RNF130: variants seen among roughly 807,000 people sequenced by gnomAD.
RNF130 encodes ring finger protein 130.
Under a neutral mutation model 44.6 loss-of-function variants are expected in RNF130, and 21 were observed. The observed-to-expected ratio is 0.47, with a 90% CI of 0.33 to 0.68. RNF130 has a LOEUF of 0.68. Among genes scored for constraint, RNF130 ranks in the 30% least tolerant of loss-of-function variants. The pLI is 0.02. For synonymous variants in RNF130, 214 were observed against 210.4 expected (o/e 1.02, Z -0.15); for missense variants, 479 against 560.6 (o/e 0.85, Z 1.47).
intron 2 of RNF130, among the ~76,000 whole-genome samples, chr5:180,025,782 T>C (rs1000838334): frequency 6.6e-6 from 1 of 152,168 alleles, no homozygotes; most frequent in Non-Finnish European, 1.5e-5. Context: ...GGTAGTTAAA[T>C]CCATATTCAA....
intron 6 of RNF130, 75 bp downstream of exon 6, chr5:179,970,335 C>T (rs1762552210): frequency 1.8e-6 from 2 of 1,115,518 alleles, no homozygotes; most frequent in Non-Finnish European, 2.6e-6. Context: ...TCCTATTATG[C>T]CAATTATGTT....
chr5:180,070,659 T>C (rs994145741), intron 1 of RNF130, among the ~76,000 whole-genome samples: 2 of 152,346 alleles, frequency 1.3e-5, no homozygotes, highest in South Asian at 4.1e-4. Context: ...CAAAAAATCA[T>C]ATTCCACGAT....
intron 7 of RNF130, among the ~76,000 whole-genome samples, chr5:179,944,129 G>A (rs541981737): frequency 2.2e-4 from 33 of 151,424 alleles, no homozygotes; most frequent in Middle Eastern, 3.4e-3. Flanking sequence ...CTGCCACCAT[G>A]CCTAGCTTTT....
At chr5:179,928,174 G>A (rs1761733030) in intron 7 of RNF130, among the ~76,000 whole-genome samples, 1 of 152,074 alleles carries the variant, frequency 6.6e-6, no homozygotes, top group African/African-American at 2.4e-5. Context: ...GTTATCTTTT[G>A]TACACATGGA....
chr5:179,936,916 T>C (rs1042850994), intron 7 of RNF130, among the ~76,000 whole-genome samples: 2 of 152,094 alleles, frequency 1.3e-5, no homozygotes, highest in South Asian at 2.1e-4. Flanking sequence ...TGCAAAAAAA[T>C]GGCGTTGGAC....
intron 7 of RNF130, among the ~76,000 whole-genome samples, chr5:179,946,594 C>T (rs1279346242): frequency 6.6e-6 from 1 of 150,964 alleles, no homozygotes; most frequent in Admixed American, 6.6e-5. Context: ...CGCTCTGTCG[C>T]CCAGGCTGGA....
intron 3 of RNF130, among the ~76,000 whole-genome samples, chr5:180,008,667 T>C (rs865779336): frequency 3.9e-5 from 6 of 152,144 alleles, no homozygotes; most frequent in African/African-American, 4.8e-5. Flanking sequence ...CACAGATCGC[T>C]TGAGGTCAGG....
At chr5:179,939,534 C>T (rs1057089773) in intron 7 of RNF130, 5 of 260,442 alleles carry the variant, frequency 1.9e-5, no homozygotes, top group East Asian at 1.3e-4. Context: ...ACCCTTTCTC[C>T]GCCATTCCCA....
At chr5:180,042,919 G>GT (rs1192597192) in intron 1 of RNF130, among the ~76,000 whole-genome samples, 1 of 152,200 alleles carries the variant, frequency 6.6e-6, no homozygotes, top group Non-Finnish European at 1.5e-5. Context: ...TACTAGCTGT[G>GT]TAACTATCAC....
intron 2 of RNF130, among the ~76,000 whole-genome samples, chr5:180,018,727 C>T (rs1763799948): frequency 6.6e-6 from 1 of 152,220 alleles, no homozygotes; most frequent in Non-Finnish European, 1.5e-5. Context: ...CTGCCCACTG[C>T]TCAGAAAATG....
chr5:179,973,663 T>G (rs1762639789), intron 5 of RNF130, among the ~76,000 whole-genome samples: 1 of 152,106 alleles, frequency 6.6e-6, no homozygotes, highest in Non-Finnish European at 1.5e-5. Context: ...CTCTGGGCTC[T>G]CATTATGGAA....
intron 7 of RNF130, among the ~76,000 whole-genome samples, chr5:179,924,452 G>A (rs1032101353): frequency 4.0e-5 from 6 of 150,708 alleles, no homozygotes; most frequent in Non-Finnish European, 8.8e-5. Flanking sequence ...CTGAGATTGT[G>A]CCATTGCACT....
intron 8 of RNF130, 104 bp downstream of exon 8, chr5:179,963,367 T>C (rs1762374956): frequency 1.2e-6 from 1 of 808,056 alleles, no homozygotes; most frequent in South Asian, 1.5e-5. Context: ...AGGATCCGTA[T>C]GAAACTGGTA....
At chr5:180,031,050 T>A (rs1283819461) in intron 2 of RNF130, among the ~76,000 whole-genome samples, 3 of 152,246 alleles carry the variant, frequency 2.0e-5, no homozygotes, top group African/African-American at 7.2e-5. Flanking sequence ...AACTTCCACT[T>A]AATAAACAGT....
At position 179,923,555 on chromosome 5, in the gene RNF130, C is replaced by T. The variant is rs547285694; in HGVS notation, c.1151-3129G>A. On this transcript the variant is annotated intron_variant, in intron 7 of 7. Transcript: ENST00000522208. ...CTTGTACCAAGGAGCTGAGTCTCAGCCAATCCCAGCGGCTGAGTTTCAGCC... is the reference window on the plus strand; with the variant it reads ...CTTGTACCAAGGAGCTGAGTCTCAGTCAATCCCAGCGGCTGAGTTTCAGCC... Among the ~76,000 whole-genome samples the T allele has an allele frequency of 2.2e-4, 33 of 152,312 alleles. 1 individual carries two copies. The highest frequency in any genetic ancestry group is 6.7e-4 in the African/African-American group (28 of 41,574).
chr5:179,975,435 C>T (rs919037032), intron 5 of RNF130, among the ~76,000 whole-genome samples: 6 of 152,184 alleles, frequency 3.9e-5, no homozygotes, highest in Admixed American at 1.3e-4. Flanking sequence ...TGACCTGGTC[C>T]CAAATGTCAA....
intron 1 of RNF130, among the ~76,000 whole-genome samples, chr5:180,064,317 G>A (rs1765049445): frequency 6.6e-6 from 1 of 152,126 alleles, no homozygotes; most frequent in Non-Finnish European, 1.5e-5. Flanking sequence ...TTTGCAGCAA[G>A]CAAAGGGAAA....
At chr5:179,947,040 C>T (rs2113686611) in intron 7 of RNF130, among the ~76,000 whole-genome samples, 1 of 152,274 alleles carries the variant, frequency 6.6e-6, no homozygotes, top group East Asian at 1.9e-4. Context: ...TGAGTGTGCA[C>T]AAGTGCACAC....
At chr5:179,941,226 G>C (rs1761965859) in intron 7 of RNF130, among the ~76,000 whole-genome samples, 1 of 152,108 alleles carries the variant, frequency 6.6e-6, no homozygotes, top group African/African-American at 2.4e-5. Context: ...GTTTTTAATG[G>C]ATTGCTGGAC....
Sources: gnomAD v4.1 joint callset for allele counts (sites outside exome capture counted in the v4.1 genomes callset) on GRCh38, gnomAD v4.1.1 for gene constraint, MANE v1.5 for transcripts, NCBI Gene and HGNC (gene_info 2026-07-23, HGNC 2026-07-21) for gene names.